Variants in VGLL4 observed in about 807,000 individuals in gnomAD.
The protein encoded by VGLL4 is vestigial like family member 4.
A neutral mutation model predicts 21.0 loss-of-function variants in VGLL4; 7 were observed. The ratio of observed to expected loss-of-function variants is 0.33; its 90% CI spans 0.19 to 0.63. VGLL4 has a LOEUF of 0.63. VGLL4 is among the 20% of genes least tolerant of loss of function. The pLI, the probability that VGLL4 is intolerant of heterozygous loss-of-function variation, is 0.78. For missense variants in VGLL4, 394 were observed against 425.7 expected, an observed-to-expected ratio of 0.93 and a Z score of 0.66; for synonymous variants, 222 against 173.2, an observed-to-expected ratio of 1.28 and a Z score of -2.21.
At chr3:11,657,010 A>G (rs2075968626) in intron 2 of VGLL4, among the ~76,000 whole-genome samples, 1 of 152,170 alleles carries the variant, frequency 6.6e-6, no homozygotes, top group Admixed American at 6.5e-5. Context: ...TGGAGCTGAG[A>G]GCAGTGACGG....
At position 11,643,471 on chromosome 3, in the gene VGLL4, C is replaced by T; in HGVS notation, c.48G>A (p.Lys16=). The T allele has an allele frequency of 6.2e-7, 1 of 1,613,988 alleles. No homozygotes were observed. Among genetic ancestry groups the T allele is most frequent in the Non-Finnish European group, 8.5e-7 (1 of 1,179,894 alleles). ...MDLLNYQYLD[K]MNNNIGILCY... The stretch of plus-strand genomic sequence containing the variant: ...ACAGAATGCCGATATTGTTGTTCAT[C>T]TTGTCCAAGTACTGATAGTTCAACA... The change falls in exon 1 of 5, where the codon AAG becomes AAA. Residue 16 remains lysine (K), a synonymous_variant. Transcript: ENST00000430365.
chr3:11,697,608 C>G (rs199812340), intron 2 of VGLL4, among the ~76,000 whole-genome samples: 1 of 73,408 alleles, frequency 1.4e-5, no homozygotes, highest in Non-Finnish European at 2.9e-5. Context: ...GGAAAGAAAT[C>G]ATAAGAGAAA....
intron 1 of VGLL4, chr3:11,720,244 G>T (rs1003008113): frequency 1.3e-5 from 2 of 151,648 alleles, no homozygotes; most frequent in African/African-American, 4.8e-5. Context: ...CCGGATAAGG[G>T]CGCACCACCC....
Position 11,557,806 on chromosome 3 carries a change from C to T in VGLL4, c.*750G>A, listed in dbSNP as rs544863289. ...CTCTAGTCTAACAAACTGCAGTGTT[C>T]AGAGAAGATAAAATGCCCGTGATTG... On this transcript the variant is annotated 3_prime_UTR_variant, in exon 5 of 5. Transcript: ENST00000430365. 4.1e-4 allele frequency: 63 copies of T among 152,726 alleles called. No homozygotes were observed. Among genetic ancestry groups the T allele is most frequent in the African/African-American group, 1.5e-3 (62 of 41,552 alleles). 9.5% of individuals were successfully genotyped at this position (152,726 alleles called of 1,614,324 possible).
intron 2 of VGLL4, among the ~76,000 whole-genome samples, chr3:11,566,690 C>T (rs1218753445): frequency 1.3e-5 from 2 of 152,186 alleles, no homozygotes; most frequent in African/African-American, 2.4e-5. Context: ...CCCTCCTCCC[C>T]GTCCTGCGCT....
intron 1 of VGLL4, among the ~76,000 whole-genome samples, chr3:11,618,497 TTAA>T (rs2075206881): frequency 6.6e-6 from 1 of 152,196 alleles, no homozygotes; most frequent in South Asian, 2.1e-4. Flanking sequence ...GAAAAATGGC[TTAA>T]TAATGGTGTT....
chr3:11,598,871 CAT>C (rs1443041377), intron 2 of VGLL4, among the ~76,000 whole-genome samples: 9 of 152,200 alleles, frequency 5.9e-5, no homozygotes, highest in South Asian at 4.1e-4. Flanking sequence ...ATTTTCATTA[CAT>C]GTTATTAACA....
intron 1 of VGLL4, among the ~76,000 whole-genome samples, chr3:11,637,279 G>C (rs574086920): frequency 6.6e-6 from 1 of 152,208 alleles, no homozygotes; most frequent in African/African-American, 2.4e-5. Flanking sequence ...TTTTCTGTAT[G>C]TATATTTCAT....
chr3:11,610,412 G>C (rs2075036616), intron 1 of VGLL4: 1 of 152,232 alleles, frequency 6.6e-6, no homozygotes, highest in Non-Finnish European at 1.5e-5. Flanking sequence ...CGAGCCGGCA[G>C]ATAAAAGCCG....
chr3:11,653,251 T>C lies in VGLL4; in HGVS notation c.64+49720A>G, dbSNP rs1335569291. On this transcript the variant is annotated intron_variant, in intron 2 of 5. Coordinates refer to the VGLL4 transcript ENST00000273038. This position sits in a 1 kb window ranked among gnomAD's most constrained non-coding sequence, Gnocchi z 4.2. ...AAAGAGAAATCATGGCTGTTATTTATATAGGGAGAATTTTAATGTATCCCA... is the reference window on the plus strand; with the variant it reads ...AAAGAGAAATCATGGCTGTTATTTACATAGGGAGAATTTTAATGTATCCCA... Among the ~76,000 whole-genome samples the C allele has an allele frequency of 6.6e-6, 1 of 152,154 alleles. No homozygotes were observed. The highest frequency in any genetic ancestry group is 1.5e-5 in the Non-Finnish European group (1 of 68,026).
At chr3:11,638,718 G>A (rs1372903045) in intron 1 of VGLL4, among the ~76,000 whole-genome samples, 1 of 152,160 alleles carries the variant, frequency 6.6e-6, no homozygotes, top group Non-Finnish European at 1.5e-5. Context: ...GGTACGAAAT[G>A]GCCCTGCGCT....
chr3:11,718,470 G>C (rs1409387391), intron 1 of VGLL4, among the ~76,000 whole-genome samples: 2 of 152,112 alleles, frequency 1.3e-5, no homozygotes, highest in Non-Finnish European at 2.9e-5. Flanking sequence ...CCAGTCATGC[G>C]CAGACTCTTC....
intron 1 of VGLL4, 42 bp from the exon 2 acceptor site, chr3:11,602,064 G>T: frequency 6.8e-7 from 1 of 1,466,744 alleles, no homozygotes; most frequent in Non-Finnish European, 9.0e-7. Flanking sequence ...CAGGAGAAAG[G>T]CCCCCATCTC....
At chr3:11,680,971 C>T (rs921561537) in intron 2 of VGLL4, among the ~76,000 whole-genome samples, 7 of 152,252 alleles carry the variant, frequency 4.6e-5, no homozygotes, top group African/African-American at 1.7e-4. Context: ...CCCACTCCCC[C>T]GCCCCCACGC....
Position 11,649,140 on chromosome 3 carries a change from G to A in VGLL4, c.65-47118C>T, listed in dbSNP as rs774997504. Among the ~76,000 whole-genome samples, 7 of 152,166 alleles carry A rather than the reference G, an allele frequency of 4.6e-5. 1 individual carries two copies. The highest frequency in any genetic ancestry group is 4.1e-4 in the South Asian group (2 of 4,826). The stretch of plus-strand genomic sequence containing the variant: ...CCAAATAAAAGGATGCATTAAAACC[G>A]TGGCTTATCGATGACAGACTATTAC... On this transcript the variant is annotated intron_variant, in intron 2 of 5. Transcript: ENST00000273038.
intron 2 of VGLL4, among the ~76,000 whole-genome samples, chr3:11,668,205 A>AATAT (rs747063029): frequency 6.6e-6 from 1 of 151,952 alleles, no homozygotes; most frequent in Non-Finnish European, 1.5e-5. Flanking sequence ...TCAAGATATA[A>AATAT]ATAAATAAAT....
chr3:11,688,415 T>TA lies in VGLL4; in HGVS notation c.64+14555_64+14556insT, dbSNP rs1183099741. ...TGGGCCTCACATCTCTGACTACTTGTTAAATTTTTACCATGATTATTGACC... is the reference window on the plus strand; with the variant it reads ...TGGGCCTCACATCTCTGACTACTTGTATAAATTTTTACCATGATTATTGACC... On this transcript the variant is annotated intron_variant, in intron 2 of 5. Coordinates refer to the VGLL4 transcript ENST00000273038. Among the ~76,000 whole-genome samples, 6 of 152,208 alleles carry TA rather than the reference T, an allele frequency of 3.9e-5. No homozygotes were observed. In the East Asian group the frequency reaches 1.2e-3, roughly 29 times the overall value.
chr3:11,703,756 C>T (rs1249020940), intron 1 of VGLL4, among the ~76,000 whole-genome samples: 7 of 152,198 alleles, frequency 4.6e-5, no homozygotes, highest in Admixed American at 4.6e-4. Flanking sequence ...TTTAAACACA[C>T]ACACAGTTAC....
At chr3:11,572,982 A>G (rs985509331) in intron 2 of VGLL4, among the ~76,000 whole-genome samples, 6 of 152,030 alleles carry the variant, frequency 3.9e-5, no homozygotes, top group African/African-American at 1.5e-4. Flanking sequence ...GGCCTGACCA[A>G]CATGGCGAAT....
Sources: gnomAD v4.1 joint callset for allele counts (sites outside exome capture counted in the v4.1 genomes callset) on GRCh38, gnomAD v4.1.1 for gene constraint, Gnocchi (gnomAD v3.1) non-coding constraint, MANE v1.5 for transcripts, NCBI Gene and HGNC (gene_info 2026-07-23, HGNC 2026-07-21) for gene names.